Variants in ZFPM2 observed in about 807,000 individuals in gnomAD.
ZFPM2 encodes the protein zinc finger protein ZFPM2.
ZFPM2 carries 20 observed loss-of-function variants against 98.6 expected under a neutral mutation model. The ratio of observed to expected loss-of-function variants is 0.20; its 90% CI spans 0.14 to 0.29. The LOEUF (loss-of-function observed/expected upper bound fraction) is 0.29, where lower values mean the gene tolerates loss of function less well. Ranked by LOEUF, ZFPM2 falls within the 10% of genes least tolerant of loss-of-function variation. The pLI is 1.00. For missense variants in ZFPM2, 1,310 were observed against 1,388.6 expected, an observed-to-expected ratio of 0.94 and a Z score of 0.90; for synonymous variants, 518 against 502.7, an observed-to-expected ratio of 1.03 and a Z score of -0.41.
chr8:105,356,155 G>A (rs1812742731), intron 1 of ZFPM2, among the ~76,000 whole-genome samples: 1 of 152,138 alleles, frequency 6.6e-6, no homozygotes, highest in African/African-American at 2.4e-5. Context: ...TTGTCATCCT[G>A]TAATTCAAAC....
At chr8:105,672,859 A>G (rs1817620901) in intron 5 of ZFPM2, among the ~76,000 whole-genome samples, 1 of 152,206 alleles carries the variant, frequency 6.6e-6, no homozygotes, top group Non-Finnish European at 1.5e-5. Context: ...TTTTCCTGTT[A>G]CCAGACTGGT....
At chr8:105,780,364 G>T (rs1243692010) in intron 5 of ZFPM2, 2 of 152,160 alleles carry the variant, frequency 1.3e-5, no homozygotes, top group African/African-American at 4.8e-5. Flanking sequence ...AGTTTTGGAA[G>T]ATGCATTACT....
chr8:105,517,707 C>CAACACACACACACACACA (rs61552974), intron 3 of ZFPM2, among the ~76,000 whole-genome samples: 1 of 124,890 alleles, frequency 8.0e-6, no homozygotes, highest in African/African-American at 3.3e-5. Flanking sequence ...CACACACACA[C>CAACACACACACACACACA]CACACACACA....
chr8:105,648,436 A>T (rs1242759889), intron 5 of ZFPM2, among the ~76,000 whole-genome samples: 1 of 152,090 alleles, frequency 6.6e-6, no homozygotes, highest in African/African-American at 2.4e-5. Flanking sequence ...GGTGTTTTAG[A>T]CATGAAGTCC....
chr8:105,611,033 C>G (rs574431708), intron 4 of ZFPM2, among the ~76,000 whole-genome samples: 4 of 152,238 alleles, frequency 2.6e-5, no homozygotes, highest in African/African-American at 7.2e-5. Context: ...ACTTGGTAAC[C>G]AGTGAGCCTA....
chr8:105,401,118 T>A (rs954458067), intron 1 of ZFPM2, among the ~76,000 whole-genome samples: 6 of 152,086 alleles, frequency 3.9e-5, no homozygotes, highest in Non-Finnish European at 7.4e-5. Context: ...ATTTTCTCAT[T>A]AAGTTTTGTG....
intron 6 of ZFPM2, chr8:105,795,914 A>G: frequency 6.5e-6 from 2 of 309,436 alleles, no homozygotes; most frequent in Non-Finnish European, 6.4e-6. Flanking sequence ...AAAAAATTGC[A>G]TCTAATCAAA....
At chr8:105,636,947 A>G (rs1816857961) in intron 5 of ZFPM2, among the ~76,000 whole-genome samples, 1 of 152,148 alleles carries the variant, frequency 6.6e-6, no homozygotes, top group Non-Finnish European at 1.5e-5. Context: ...CATTTTACAA[A>G]GGTAGATAAA....
intron 5 of ZFPM2, among the ~76,000 whole-genome samples, chr8:105,707,937 A>C (rs1811300130): frequency 6.6e-6 from 1 of 152,146 alleles, no homozygotes; most frequent in Non-Finnish European, 1.5e-5. Flanking sequence ...CCCTTGAAGA[A>C]AGCTTTAGGG....
At chr8:105,630,479 C>A (rs1053352792) in intron 4 of ZFPM2, among the ~76,000 whole-genome samples, 13 of 152,172 alleles carry the variant, frequency 8.5e-5, no homozygotes, top group Non-Finnish European at 1.0e-4. Flanking sequence ...ATTTACTTTA[C>A]AGCTTGGGTA....
chr8:105,619,738 G>T (rs1179641638), intron 4 of ZFPM2, among the ~76,000 whole-genome samples: 1 of 149,718 alleles, frequency 6.7e-6, no homozygotes, highest in African/African-American at 2.5e-5. Flanking sequence ...GTGTCCAAGT[G>T]TTCTTGTTGT....
chr8:105,491,476 G>A (rs561467154), intron 3 of ZFPM2, among the ~76,000 whole-genome samples: 8 of 152,206 alleles, frequency 5.3e-5, no homozygotes, highest in African/African-American at 1.7e-4. Context: ...TCATCATTCC[G>A]TTTATCACAG....
At chr8:105,448,801 T>C (rs1812430047) in intron 3 of ZFPM2, among the ~76,000 whole-genome samples, 1 of 152,098 alleles carries the variant, frequency 6.6e-6, no homozygotes, top group Admixed American at 6.6e-5. Context: ...AGCACAGAAC[T>C]TGGGAGAGAA....
chr8:105,604,903 T>A (rs2130789481), intron 4 of ZFPM2, among the ~76,000 whole-genome samples: 1 of 152,226 alleles, frequency 6.6e-6, no homozygotes, highest in African/African-American at 2.4e-5. Context: ...GGACAGATTA[T>A]CTTGTATGTT....
intron 6 of ZFPM2, chr8:105,797,357 TTC>T (rs1813863006): frequency 6.6e-6 from 1 of 152,192 alleles, no homozygotes; most frequent in Admixed American, 6.5e-5. Context: ...CCTGTTGTGT[TTC>T]CCTTAGAGTA....
Position 105,470,959 on chromosome 8 carries a change from G to C in ZFPM2, c.301+26578G>C, listed in dbSNP as rs1812891402. Among the ~76,000 whole-genome samples the C allele has an allele frequency of 5.3e-5, 8 of 151,962 alleles. No homozygotes were observed. In the South Asian group the frequency reaches 1.7e-3, roughly 32 times the overall value. ...TAATATTTCATATAAAATAATGGCT[G>C]ACATTTCAAAAAAAATGTTCATTAC... On this transcript the variant is annotated intron_variant, in intron 3 of 7. Coordinates refer to ENST00000407775, the MANE Select transcript of ZFPM2 (RefSeq NM_012082.4).
chr8:105,340,173 C>T lies in ZFPM2; in HGVS notation c.40+21192C>T, dbSNP rs1586302084. On this transcript the variant is annotated intron_variant, in intron 1 of 7. Coordinates refer to ENST00000407775, the MANE Select transcript of ZFPM2 (RefSeq NM_012082.4). Reference sequence around the variant, plus strand: ...GAAACACCTCTAGCCTTTTAGATAACCTCGATGTTATCTAGACTCACTGAG... The same window carrying T: ...GAAACACCTCTAGCCTTTTAGATAATCTCGATGTTATCTAGACTCACTGAG... Among the ~76,000 whole-genome samples the T allele has an allele frequency of 5.3e-5, 8 of 151,932 alleles. No individual in the cohort carries two copies. In the South Asian group the frequency reaches 1.7e-3, roughly 32 times the overall value.
chr8:105,401,113 CTCA>C (rs1444214465), intron 1 of ZFPM2, among the ~76,000 whole-genome samples: 1 of 151,424 alleles, frequency 6.6e-6, no homozygotes, highest in Non-Finnish European at 1.5e-5. Context: ...TCTTTATTTT[CTCA>C]TTAAGTTTTG....
At chr8:105,665,588 TAA>T (rs1817474280) in intron 5 of ZFPM2, among the ~76,000 whole-genome samples, 1 of 152,180 alleles carries the variant, frequency 6.6e-6, no homozygotes, top group African/African-American at 2.4e-5. Flanking sequence ...AGACAACCTA[TAA>T]ATGCTACAAT....
Sources: gnomAD v4.1 joint callset for allele counts (sites outside exome capture counted in the v4.1 genomes callset) on GRCh38, gnomAD v4.1.1 for gene constraint, MANE v1.5 for transcripts, NCBI Gene and HGNC (gene_info 2026-07-23, HGNC 2026-07-21) for gene names.